The following VCAN variants were observed in gnomAD, a reference collection of about 807,000 sequenced individuals.
The protein encoded by VCAN is versican.
A neutral mutation model predicts 245.5 loss-of-function variants in VCAN; 44 were observed. The observed-to-expected ratio is 0.18, with a 90% CI of 0.14 to 0.23. VCAN has a LOEUF of 0.23. Ranked by LOEUF, VCAN falls within the 10% of genes least tolerant of loss-of-function variation. VCAN has a pLI of 1.00. For missense variants in VCAN, 3,793 were observed against 4,057.9 expected, an observed-to-expected ratio of 0.93 and a Z score of 1.77; for synonymous variants, 1,413 against 1,437.0, an observed-to-expected ratio of 0.98 and a Z score of 0.38.
chr5:83,521,390 G>T lies in VCAN; in HGVS notation c.3084G>T (p.Glu1028Asp). ...PETMRTTKIT[E>D]GTTQEEFPWK... ...CTATGAGAACAACAAAAATCACAGA[G>T]GGAACAACTCAGGAAGAATTCCCTT... is the stretch of plus-strand genomic sequence containing the variant. Residue 1028 changes from glutamate (E) to aspartate (D), a missense_variant, in exon 7 of 15, where the codon GAG becomes GAT. Transcript: ENST00000265077. The T allele has an allele frequency of 2.5e-6, 4 of 1,614,096 alleles. No homozygotes were observed. Among genetic ancestry groups the T allele is most frequent in the Non-Finnish European group, 3.4e-6 (4 of 1,180,000 alleles).
rs2112446825 is a variant in VCAN at position 83,540,258 on chromosome 5, C to T, written c.7255C>T (p.Pro2419Ser). 1 of 1,614,070 alleles carries T rather than the reference C, an allele frequency of 6.2e-7. No individual in the cohort carries two copies. The highest frequency in any genetic ancestry group is 2.2e-5 in the East Asian group (1 of 44,856). ...GGCCAAAGAATTTGTTACATCAGCA[C>T]CAAAACCATCTGACTTGTATTATGA... ...EMAKEFVTSA[P>S]KPSDLYYEPS... The change falls in exon 8 of 15, where the codon CCA becomes TCA. Residue 2419 changes from proline (P) to serine (S), a missense_variant. This residue lies in a region of VCAN where 3,182 missense variants were observed against 3,250.3 expected (regional missense o/e 0.98). Transcript: ENST00000265077.
At chr5:83,576,151 T>C (rs187773650) in intron 13 of VCAN, among the ~76,000 whole-genome samples, 1 of 152,072 alleles carries the variant, frequency 6.6e-6, no homozygotes, top group African/African-American at 2.4e-5. Context: ...ATCTGTGGAG[T>C]ATCCTGTGGG....
chr5:83,473,565 T>C (rs1326575636), intron 1 of VCAN, among the ~76,000 whole-genome samples: 1 of 149,136 alleles, frequency 6.7e-6, no homozygotes, highest in African/African-American at 2.4e-5. Context: ...GACAAATGAA[T>C]GGCTAGTGTG....
rs1011075552 is a variant in VCAN at position 83,572,529 on chromosome 5, C to T, written c.9849C>T (p.Tyr3283=). The T allele has an allele frequency of 1.9e-6, 3 of 1,613,834 alleles. No individual in the cohort carries two copies. The highest frequency in any genetic ancestry group is 1.1e-5 in the South Asian group (1 of 91,078). Reference sequence around the variant, plus strand: ...AGTGGAATGATGTTCCCTGCAATTACCATCTCACCTATACGTGCAAGAAAG... The same window carrying T: ...AGTGGAATGATGTTCCCTGCAATTATCATCTCACCTATACGTGCAAGAAAG... ...NGQWNDVPCN[Y]HLTYTCKKGT... The change falls in exon 13 of 15, where the codon TAC becomes TAT. Residue 3283 remains tyrosine, a synonymous_variant. Transcript: ENST00000265077.
At chr5:83,495,736 G>A (rs1328923610) in intron 5 of VCAN, among the ~76,000 whole-genome samples, 2 of 152,162 alleles carry the variant, frequency 1.3e-5, no homozygotes, top group Non-Finnish European at 2.9e-5. Context: ...TGATCCAGAG[G>A]TAGCTTTTGC....
Position 83,520,138 on chromosome 5 carries a change from T to C in VCAN, c.1832T>C (p.Met611Thr). ...SASTTVSPLI[M>T]PDNNGSSMDD... The stretch of plus-strand genomic sequence containing the variant: ...TCCACAACTGTTTCCCCTTTAATTA[T>C]GCCTGATAATAATGGATCATCCATG... Residue 611 changes from methionine (M) to threonine (T), a missense_variant, in exon 7 of 15, where the codon ATG (methionine) becomes ACG (threonine). Around this residue, in one of 5 missense-constraint regions of VCAN, gnomAD observed 3,182 missense variants for 3,250.3 expected, o/e 0.98. Coordinates refer to ENST00000265077, the MANE Select transcript of VCAN (RefSeq NM_004385.5). 1 of 1,614,044 alleles carries C rather than the reference T, an allele frequency of 6.2e-7. No homozygotes were observed. Among genetic ancestry groups the C allele is most frequent in the Non-Finnish European group, 8.5e-7 (1 of 1,179,972 alleles).
chr5:83,512,467 A>T, intron 6 of VCAN, 71 bp downstream of exon 6: 1 of 1,542,290 alleles, frequency 6.5e-7, no homozygotes, highest in South Asian at 1.2e-5. Flanking sequence ...TTGATGTTCA[A>T]CTAGCCGTTG....
At chr5:83,522,936 T>C (rs1746162776) in intron 7 of VCAN, among the ~76,000 whole-genome samples, 1 of 152,218 alleles carries the variant, frequency 6.6e-6, no homozygotes, top group African/African-American at 2.4e-5. Context: ...CCTAGCTTAG[T>C]TGTAGGGAGT....
At chr5:83,487,123 TTC>T (rs1447846030) in intron 2 of VCAN, among the ~76,000 whole-genome samples, 1 of 152,224 alleles carries the variant, frequency 6.6e-6, no homozygotes, top group Non-Finnish European at 1.5e-5. Flanking sequence ...TATTTTGATG[TTC>T]CCCTTATAGT....
chr5:83,512,373 G>C lies in VCAN; in HGVS notation c.1019G>C (p.Arg340Thr). The stretch of plus-strand genomic sequence containing the variant: ...ACAGGCTTCCCTCCCCCTGATAGCA[G>C]ATTTGATGCCTACTGCTTTAAACGT... ...NQTGFPPPDS[R>T]FDAYCFKPKE... The change falls in exon 6 of 15, where the codon AGA becomes ACA. Residue 340 changes from arginine to threonine, a missense_variant. Physicochemically the swap from Arg to Thr is moderately conservative, Grantham distance 71. Transcript: ENST00000265077. The C allele has an allele frequency of 1.2e-6, 2 of 1,612,132 alleles. No homozygotes were observed. The highest frequency in any genetic ancestry group is 4.5e-5 in the East Asian group (2 of 44,816).
chr5:83,539,905 T>A lies in VCAN; in HGVS notation c.6902T>A (p.Phe2301Tyr), dbSNP rs160278. The change falls in exon 8 of 15, where the codon TTT (phenylalanine) becomes TAT (tyrosine). Residue 2301 changes from phenylalanine to tyrosine, a missense_variant. Phe to Tyr is a conservative substitution (Grantham distance 22, BLOSUM62 3). Coordinates refer to ENST00000265077, the MANE Select transcript of VCAN (RefSeq NM_004385.5). ...ACCTCAAGTGACAAAATTGAAGACT[T>A]TAACAGAATGGAAAATGTGGCAAAA... The part of the protein sequence containing the change: ...ESTSSDKIED[F>Y]NRMENVAKEV... 778,584 of 1,613,750 alleles carry A rather than the reference T, an allele frequency of 0.48. 188,655 individuals carry two copies. Among genetic ancestry groups the A allele is most frequent in the Admixed American group, 0.52 (31,045 of 59,966 alleles).
At chr5:83,523,302 T>C (rs1305523007) in intron 7 of VCAN, among the ~76,000 whole-genome samples, 1 of 152,136 alleles carries the variant, frequency 6.6e-6, no homozygotes, top group African/African-American at 2.4e-5. Context: ...GAAATTACGA[T>C]CATGGATTTT....
At position 83,520,584 on chromosome 5, in the gene VCAN, C is replaced by G; in HGVS notation, c.2278C>G (p.Pro760Ala). The change falls in exon 7 of 15, where the codon CCA (proline) becomes GCA (alanine). Residue 760 changes from proline to alanine, a missense_variant. Physicochemically the swap from Pro to Ala is conservative, Grantham distance 27. Around this residue, in one of 5 missense-constraint regions of VCAN, gnomAD observed 3,182 missense variants for 3,250.3 expected, o/e 0.98. Transcript: ENST00000265077. The stretch of plus-strand genomic sequence containing the variant: ...ATTGATAACAAAGTTAAGTGCAGAG[C>G]CAACAGAAGTAAGAGATATGGAGGA... The part of the protein sequence containing the change: ...PTLITKLSAE[P>A]TEVRDMEEDF... 1 of 1,613,988 alleles carries G rather than the reference C, an allele frequency of 6.2e-7. No homozygotes were observed. Among genetic ancestry groups the G allele is most frequent in the South Asian group, 1.1e-5 (1 of 91,082 alleles).
chr5:83,527,066 C>G (rs1368226161), intron 7 of VCAN, among the ~76,000 whole-genome samples: 1 of 152,174 alleles, frequency 6.6e-6, no homozygotes, highest in Non-Finnish European at 1.5e-5. Context: ...AAACAACAAC[C>G]CCCTGCCCAA....
Position 83,537,651 on chromosome 5 carries a change from G to C in VCAN, c.4648G>C (p.Glu1550Gln). The change falls in exon 8 of 15, where the codon GAG becomes CAG. Residue 1550 changes from glutamate to glutamine, a missense_variant. Around this residue, in one of 5 missense-constraint regions of VCAN, gnomAD observed 3,182 missense variants for 3,250.3 expected, o/e 0.98. Coordinates refer to ENST00000265077, the MANE Select transcript of VCAN (RefSeq NM_004385.5). ...VSLFPEESSG[E>Q]IAIDQESQKI... Reference sequence around the variant, plus strand: ...TCTGTTTCCTGAAGAGTCTTCAGGAGAGATTGCCATTGACCAAGAATCTCA... The same window carrying C: ...TCTGTTTCCTGAAGAGTCTTCAGGACAGATTGCCATTGACCAAGAATCTCA... The C allele has an allele frequency of 6.2e-7, 1 of 1,613,848 alleles. No individual in the cohort carries two copies. The highest frequency in any genetic ancestry group is 8.5e-7 in the Non-Finnish European group (1 of 1,179,940).
chr5:83,504,411 G>A (rs1745422748), intron 5 of VCAN, among the ~76,000 whole-genome samples: 4 of 146,538 alleles, frequency 2.7e-5, no homozygotes, highest in Admixed American at 1.4e-4. Flanking sequence ...TTGAGACGGA[G>A]TCTCTCTGTT....
In VCAN at chr5:83,538,659, G is replaced by C. The variant is rs145239579; in HGVS notation, c.5656G>C (p.Val1886Leu). Residue 1886 changes from valine to leucine, a missense_variant, in exon 8 of 15, where the codon GTT (valine) becomes CTT (leucine). Transcript: ENST00000265077. ...ATTCTCCACTGAGCCAACAGGACTG[G>C]TTTTGAGTACAGTAATGGACAGAGT... is the stretch of plus-strand genomic sequence containing the variant. Reference protein sequence around the residue: ...TTFSTEPTGLVLSTVMDRVVA... With the variant: ...TTFSTEPTGLLLSTVMDRVVA... 1.1e-5 allele frequency: 17 copies of C among 1,614,092 alleles called. No individual in the cohort carries two copies. The South Asian group carries it at 1.1e-4, about 10-fold the overall frequency.
intron 7 of VCAN, among the ~76,000 whole-genome samples, chr5:83,527,936 A>C (rs1233545486): frequency 6.6e-6 from 1 of 152,194 alleles, no homozygotes; most frequent in Non-Finnish European, 1.5e-5. Context: ...TCTAAAACAA[A>C]TACCACTTAT....
intron 12 of VCAN, among the ~76,000 whole-genome samples, chr5:83,570,305 G>T (rs1748241437): frequency 6.6e-6 from 1 of 151,572 alleles, no homozygotes; most frequent in Admixed American, 6.6e-5. Flanking sequence ...GGGTCTCTTG[G>T]TTTTTTGCAA....
Sources: allele counts gnomAD v4.1 joint callset (sites outside exome capture counted in the v4.1 genomes callset), GRCh38; gene constraint gnomAD v4.1.1; regional missense constraint gnomAD v4.1.1; transcripts MANE v1.5; gene names NCBI Gene and HGNC (gene_info 2026-07-23, HGNC 2026-07-21).